DUOX2: variants seen among roughly 807,000 people sequenced by gnomAD.
DUOX2 encodes NADH/NADPH thyroid oxidase p138-tox.
DUOX2 carries 185 observed loss-of-function variants against 183.3 expected under a neutral mutation model. The observed-to-expected ratio is 1.01, with a 90% CI of 0.90 to 1.14. The LOEUF (loss-of-function observed/expected upper bound fraction) is 1.14. DUOX2 is among the 50% of genes most tolerant of loss of function. The pLI is 0.00. For missense variants in DUOX2, 1,999 were observed against 2,022.9 expected (o/e 0.99, Z 0.23); for synonymous variants, 788 against 812.4 (o/e 0.97, Z 0.51).
chr15:45,103,997 C>T lies in DUOX2; in HGVS notation c.2617G>A (p.Gly873Ser). The part of the protein sequence containing the change: ...MFTMYDLDEN[G>S]FLSKDEFFTM... ...AAGAATTCGTCCTTGGAGAGGAAGC[C>T]ATTCTCATCCAGGTCATACATGGTA... Residue 873 changes from glycine (G) to serine (S), a missense_variant, in exon 20 of 34, where the codon GGC becomes AGC. Transcript: ENST00000389039. 1.2e-6 allele frequency: 2 copies of T among 1,614,146 alleles called. No individual in the cohort carries two copies. Among genetic ancestry groups the T allele is most frequent in the Non-Finnish European group, 1.7e-6 (2 of 1,180,032 alleles).
intron 29 of DUOX2, among the ~76,000 whole-genome samples, chr15:45,096,656 A>G (rs1409169577): frequency 1.3e-5 from 2 of 152,180 alleles, no homozygotes; most frequent in Admixed American, 6.5e-5. Context: ...AGTGCTGGAG[A>G]GTAGAAAGGC....
At chr15:45,094,901 CGCCAAGTT>C in intron 32 of DUOX2, 27 bp downstream of exon 32, 5 of 1,612,498 alleles carry the variant, frequency 3.1e-6, no homozygotes, top group Non-Finnish European at 4.2e-6. Context: ...TCCATCTGCC[CGCCAAGTT>C]GCCCTGCCTG....
Position 45,106,531 on chromosome 15 carries a change from G to A in DUOX2, c.1942C>T (p.Pro648Ser). The A allele has an allele frequency of 6.2e-7, 1 of 1,613,834 alleles. No homozygotes were observed. Among genetic ancestry groups the A allele is most frequent in the Non-Finnish European group, 8.5e-7 (1 of 1,179,888 alleles). Residue 648 changes from proline to serine, a missense_variant, in exon 16 of 34, where the codon CCA becomes TCA. Pro to Ser is a moderately conservative substitution (Grantham distance 74). This residue lies in a region of DUOX2 where 1,628 missense variants were observed against 1,608.6 expected (regional missense o/e 1.01). Coordinates refer to ENST00000389039, the MANE Select transcript of DUOX2 (RefSeq NM_001363711.2). ...VKKEAAKDGV[P>S]AMEWPGPKER... Reference sequence around the variant, plus strand: ...CCTCTGCCCAGCCCCTGCTCACCTGGCACTCCATCTTTGGCTGCTTCCTTC... The same window carrying A: ...CCTCTGCCCAGCCCCTGCTCACCTGACACTCCATCTTTGGCTGCTTCCTTC...
rs368849023 is a variant in DUOX2 at position 45,095,924 on chromosome 15, T to C, written c.3984A>G (p.Thr1328=). Residue 1328 remains threonine (T), a synonymous_variant, in exon 30 of 34, where the codon ACA becomes ACG. Transcript: ENST00000389039. ...FTLTSAPHED[T]LSLHIRAVGP... is the part of the protein sequence containing the mutation. ...CCACTGCCCGGATGTGCAGGCTGAGTGTGTCCTCATGGGGCGCGGAGGTCA... is the reference window on the plus strand; with the variant it reads ...CCACTGCCCGGATGTGCAGGCTGAGCGTGTCCTCATGGGGCGCGGAGGTCA... 4.3e-5 allele frequency: 69 copies of C among 1,613,298 alleles called. No homozygotes were observed. Among genetic ancestry groups the C allele is most frequent in the Non-Finnish European group, 5.6e-5 (66 of 1,179,894 alleles).
chr15:45,111,692 C>A, intron 5 of DUOX2, 76 bp downstream of exon 5: 1 of 1,458,582 alleles, frequency 6.9e-7, no homozygotes, highest in Non-Finnish European at 9.0e-7. Flanking sequence ...CTCTCCCCTC[C>A]AGGCCCTGCC....
chr15:45,099,320 T>G, intron 26 of DUOX2, 63 bp downstream of exon 26: 8 of 1,515,548 alleles, frequency 5.3e-6, no homozygotes, highest in Non-Finnish European at 7.3e-6. Context: ...TGCCTATTTC[T>G]TTTTCTATTA....
In DUOX2 at chr15:45,094,608, G is replaced by A; in HGVS notation, c.4479C>T (p.Pro1493=). ...GLRSITHFGR[P]PFEPFFNSLQ... ...GGGAGTTGAAGAAGGGCTCGAAGGG[G>A]GGACGGCCAAAGTGGGTGATGGAGC... Residue 1493 remains proline (P), a synonymous_variant, in exon 33 of 34, where the codon CCC becomes CCT. Coordinates refer to ENST00000389039, the MANE Select transcript of DUOX2 (RefSeq NM_001363711.2). 1 of 1,613,908 alleles carries A rather than the reference G, an allele frequency of 6.2e-7. No homozygotes were observed. The highest frequency in any genetic ancestry group is 8.5e-7 in the Non-Finnish European group (1 of 1,179,946).
At chr15:45,096,992 T>G (rs1239371328) in intron 29 of DUOX2, among the ~76,000 whole-genome samples, 1 of 152,166 alleles carries the variant, frequency 6.6e-6, no homozygotes, top group African/African-American at 2.4e-5. Flanking sequence ...TGTATGCACG[T>G]TCAGCCACCT....
intron 11 of DUOX2, chr15:45,109,191 A>C: frequency 1.6e-6 from 1 of 619,498 alleles, no homozygotes. Context: ...TCTAGTCACC[A>C]AGCAGTAAAT....
At position 45,093,978 on chromosome 15, in the gene DUOX2, T is replaced by G; in HGVS notation, c.*172A>C. 2 of 821,346 alleles carry G rather than the reference T, an allele frequency of 2.4e-6. No individual in the cohort carries two copies. Among genetic ancestry groups the G allele is most frequent in the Non-Finnish European group, 3.9e-6 (2 of 507,918 alleles). 50.9% of individuals were successfully genotyped at this position (821,346 alleles called of 1,614,324 possible). A position where few individuals can be genotyped will look rare whatever the true frequency, so the allele number is the denominator to read the frequency against. On this transcript the variant is annotated 3_prime_UTR_variant, in exon 34 of 34. Transcript: ENST00000389039. ...GTAGAACATAGTCTCCTGCCTTTTC[T>G]CATTTGTATAATTGTCTGGGTCAAT...
chr15:45,109,489 C>T (rs1894319860), intron 11 of DUOX2, 35 bp downstream of exon 11: 1 of 1,601,324 alleles, frequency 6.2e-7, no homozygotes. Flanking sequence ...GCTTCCTGGT[C>T]CCTTACCATC....
At chr15:45,108,563 G>A in intron 12 of DUOX2, 1 of 645,756 alleles carries the variant, frequency 1.5e-6, no homozygotes, top group Middle Eastern at 4.2e-4. Flanking sequence ...CACCCTGCAG[G>A]AATGGTACAA....
rs777892075 is a variant in DUOX2, at chr15:45,111,890, T to A, written c.391A>T (p.Ile131Phe). The A allele has an allele frequency of 3.1e-6, 5 of 1,613,750 alleles. No homozygotes were observed. The highest frequency in any genetic ancestry group is 1.3e-5 in the African/African-American group (1 of 74,934). Residue 131 changes from isoleucine to phenylalanine, a missense_variant, in exon 5 of 34, where the codon ATC (isoleucine) becomes TTC (phenylalanine). By Grantham distance (21) the Ile-to-Phe change is conservative. This residue lies in a region of DUOX2 where 356 missense variants were observed against 356.4 expected (regional missense o/e 1.00). Transcript: ENST00000389039. ...TPGCPAEFLN[I>F]RIPPGDPVFD... ...ACGGGGTCTCCAGGTGGGATGCGGA[T>A]GTTGAGGAACTCGGCGGGGCAACCG... is the stretch of plus-strand genomic sequence containing the variant.
rs751564949 is a variant in DUOX2, at chr15:45,104,062, A to G, written c.2561-9T>C. 6.2e-7 allele frequency: 1 copy of G among 1,614,128 alleles called. No homozygotes were observed. The highest frequency in any genetic ancestry group is 8.5e-7 in the Non-Finnish European group (1 of 1,179,998). ...CTTATCCTCTGGGGAGCCTGGGAAGAAAAAAGGGAATGCAGGTCATCTCCT... is the reference window on the plus strand; with the variant it reads ...CTTATCCTCTGGGGAGCCTGGGAAGGAAAAAGGGAATGCAGGTCATCTCCT... On this transcript the variant is annotated splice_polypyrimidine_tract_variant and intron_variant, in intron 19 of 33. Coordinates refer to ENST00000389039, the MANE Select transcript of DUOX2 (RefSeq NM_001363711.2).
Position 45,095,882 on chromosome 15 carries a change from G to A in DUOX2, c.4026C>T (p.Arg1342=). 1 of 1,612,794 alleles carries A rather than the reference G, an allele frequency of 6.2e-7. No homozygotes were observed. The highest frequency in any genetic ancestry group is 8.5e-7 in the Non-Finnish European group (1 of 1,179,548). ...TTGGGGATGAGTAGATCTCCCTGAG[G>A]CGAGTGGTCCAGGGCCCCACTGCCC... The part of the protein sequence containing the change: ...HIRAVGPWTT[R]LREIYSSPKG... The change falls in exon 30 of 34, where the codon CGC becomes CGT. Residue 1342 remains arginine (R), a synonymous_variant. Coordinates refer to ENST00000389039, the MANE Select transcript of DUOX2 (RefSeq NM_001363711.2).
rs1287828198 is a variant in DUOX2, at chr15:45,092,902, C to T, written c.*1248G>A. 6.6e-6 allele frequency: 1 copy of T among 152,108 alleles called. No homozygotes were observed. Among genetic ancestry groups the T allele is most frequent in the Non-Finnish European group, 1.5e-5 (1 of 68,046 alleles). The allele number at this position is 152,108 out of a possible 1,614,324, so 9.4% of individuals were successfully genotyped here. A position where few individuals can be genotyped will look rare whatever the true frequency, so the allele number is the denominator to read the frequency against. On this transcript the variant is annotated 3_prime_UTR_variant, in exon 34 of 34. Coordinates refer to ENST00000389039, the MANE Select transcript of DUOX2 (RefSeq NM_001363711.2). ...CCAAAACTGGATTTGGTAGAAATCA[C>T]ATCAGTGGTTGCTTCTAGGAGCTAG...
chr15:45,093,120 G>C lies in DUOX2; in HGVS notation c.*1030C>G. The C allele has an allele frequency of 6.6e-6, 1 of 152,258 alleles. No homozygotes were observed. Among genetic ancestry groups the C allele is most frequent in the East Asian group, 1.9e-4 (1 of 5,200 alleles). The allele number at this position is 152,258 out of a possible 1,614,324, so 9.4% of individuals were successfully genotyped here. Reference sequence around the variant, plus strand: ...AGGAAAAGAAAAGTTAAAGAGCTGAGTATGGAGGGGATGTTTCAGCCTGGC... The same window carrying C: ...AGGAAAAGAAAAGTTAAAGAGCTGACTATGGAGGGGATGTTTCAGCCTGGC... On this transcript the variant is annotated 3_prime_UTR_variant, in exon 34 of 34. Coordinates refer to ENST00000389039, the MANE Select transcript of DUOX2 (RefSeq NM_001363711.2).
intron 33 of DUOX2, 61 bp from the exon 34 acceptor site, chr15:45,094,333 A>G: frequency 6.2e-7 from 1 of 1,611,658 alleles, no homozygotes; most frequent in Non-Finnish European, 8.5e-7. Flanking sequence ...TCTCCTTGGG[A>G]AAAGCTGCTT....
chr15:45,100,528 C>T (rs1894052480), intron 23 of DUOX2: 1 of 616,008 alleles, frequency 1.6e-6, no homozygotes, highest in Middle Eastern at 3.6e-4. Context: ...GCCAGGAGAC[C>T]CCTTACTATC....
Sources: gnomAD v4.1 joint callset for allele counts (sites outside exome capture counted in the v4.1 genomes callset) on GRCh38, gnomAD v4.1.1 for gene constraint, gnomAD v4.1.1 regional missense constraint, MANE v1.5 for transcripts, NCBI Gene and HGNC (gene_info 2026-07-23, HGNC 2026-07-21) for gene names.